PATJ: variants seen among roughly 807,000 people sequenced by gnomAD.
PATJ encodes the protein inaD-like protein.
A neutral mutation model predicts 224.9 loss-of-function variants in PATJ; 190 were observed. That is an observed-to-expected ratio of 0.84 (90% confidence interval 0.75 to 0.95). The LOEUF is 0.95. Ranked by LOEUF, PATJ falls within the 40% of genes least tolerant of loss-of-function variation. The pLI is 0.00. For missense variants in PATJ, 2,121 were observed against 2,270.3 expected (o/e 0.93, Z 1.34); for synonymous variants, 769 against 820.3 (o/e 0.94, Z 1.07).
chr1:61,934,527 T>C (rs954783976), intron 27 of PATJ, among the ~76,000 whole-genome samples: 4 of 152,200 alleles, frequency 2.6e-5, no homozygotes, highest in African/African-American at 9.6e-5. Flanking sequence ...TGCATTCTCA[T>C]TGGATATACA....
chr1:62,080,907 T>A (rs2148736485), intron 32 of PATJ, among the ~76,000 whole-genome samples: 1 of 152,274 alleles, frequency 6.6e-6, no homozygotes, highest in South Asian at 2.1e-4. Flanking sequence ...TTGTGTATGG[T>A]CTACAAGCTA....
chr1:62,073,759 G>T (rs1657827710), intron 31 of PATJ, among the ~76,000 whole-genome samples: 1 of 152,212 alleles, frequency 6.6e-6, no homozygotes, highest in Non-Finnish European at 1.5e-5. Flanking sequence ...GGTAGCTGAG[G>T]CAGAAGGCTT....
At chr1:62,015,167 G>A (rs1288385836) in intron 28 of PATJ, among the ~76,000 whole-genome samples, 1 of 151,774 alleles carries the variant, frequency 6.6e-6, no homozygotes, top group Non-Finnish European at 1.5e-5. Flanking sequence ...AGCCGGGCTT[G>A]GTGGCGGGCA....
At chr1:61,878,668 A>AC (rs1211216228) in intron 21 of PATJ, among the ~76,000 whole-genome samples, 4 of 150,064 alleles carry the variant, frequency 2.7e-5, no homozygotes, top group Admixed American at 6.7e-5. Context: ...ACATAGGGAG[A>AC]CCCCATCTCT....
At chr1:62,008,703 C>T (rs546010767) in intron 28 of PATJ, among the ~76,000 whole-genome samples, 1 of 152,030 alleles carries the variant, frequency 6.6e-6, no homozygotes, top group Non-Finnish European at 1.5e-5. Context: ...GAGCCATGAT[C>T]GCACCATTGC....
At chr1:61,821,171 T>C (rs900738999) in intron 14 of PATJ, among the ~76,000 whole-genome samples, 2 of 151,902 alleles carry the variant, frequency 1.3e-5, no homozygotes, top group Non-Finnish European at 2.9e-5. Context: ...CAGCCTCCCG[T>C]GCAGCTGGGA....
intron 27 of PATJ, among the ~76,000 whole-genome samples, chr1:61,939,676 CTTTTTTTTTTTTT>C (rs71050183): frequency 3.4e-5 from 2 of 58,870 alleles, no homozygotes; most frequent in African/African-American, 1.9e-4. Flanking sequence ...TTTCTATGTG[CTTTTTTTTTTTTT>C]TTTTTTTTTT....
intron 18 of PATJ, among the ~76,000 whole-genome samples, chr1:61,856,585 A>G (rs72674674): frequency 0.059 from 8,989 of 151,926 alleles, 298 homozygotes; most frequent in Non-Finnish European, 0.068. Flanking sequence ...CTTATGTGTA[A>G]ATTATTATTA....
chr1:62,136,887 T>C (rs1460074618), intron 41 of PATJ, among the ~76,000 whole-genome samples: 3 of 152,114 alleles, frequency 2.0e-5, no homozygotes, highest in African/African-American at 7.2e-5. Context: ...AATTTCAGAT[T>C]TGGTACTGAA....
intron 41 of PATJ, among the ~76,000 whole-genome samples, chr1:62,145,772 A>T: frequency 6.6e-6 from 1 of 152,116 alleles, no homozygotes; most frequent in East Asian, 1.9e-4. Context: ...CCTGGACAAC[A>T]TGGTGAAACC....
chr1:62,135,725 G>T lies in PATJ; in HGVS notation c.5271+6780G>T, dbSNP rs56309334. Among the ~76,000 whole-genome samples, 1,238 of 152,256 alleles carry T rather than the reference G, an allele frequency of 8.1e-3. 16 individuals carry two copies. Among genetic ancestry groups the T allele is most frequent in the African/African-American group, 0.028 (1,159 of 41,536 alleles). ...ATTCCTCTAAAACAGGGACTGTGGA[G>T]CTCCTTTCTTAAAAAGGTTGCTCTG... On this transcript the variant is annotated intron_variant, in intron 41 of 43. Coordinates refer to ENST00000642238, the MANE Select transcript of PATJ (RefSeq NM_001350145.3).
chr1:61,869,559 G>C (rs1435592059), intron 20 of PATJ, among the ~76,000 whole-genome samples: 3 of 152,142 alleles, frequency 2.0e-5, no homozygotes, highest in Non-Finnish European at 4.4e-5. Flanking sequence ...CATAAGGGAA[G>C]CTCTGAGAAG....
At chr1:62,071,015 G>T (rs955004184) in intron 31 of PATJ, among the ~76,000 whole-genome samples, 1 of 152,174 alleles carries the variant, frequency 6.6e-6, no homozygotes, top group East Asian at 1.9e-4. Context: ...AAGAAAGGCT[G>T]TGTGAACATG....
intron 43 of PATJ, among the ~76,000 whole-genome samples, chr1:62,155,051 C>T (rs1383766133): frequency 6.6e-6 from 1 of 152,168 alleles, no homozygotes; most frequent in Admixed American, 6.6e-5. Context: ...TCTCCTATGA[C>T]ACATTTAACA....
intron 14 of PATJ, among the ~76,000 whole-genome samples, chr1:61,811,148 T>C (rs1654680920): frequency 6.6e-6 from 1 of 152,244 alleles, no homozygotes; most frequent in African/African-American, 2.4e-5. Flanking sequence ...GAATTAACTC[T>C]ATTATGCTTA....
intron 31 of PATJ, among the ~76,000 whole-genome samples, chr1:62,067,616 G>T (rs1656708542): frequency 6.6e-6 from 1 of 152,202 alleles, no homozygotes; most frequent in South Asian, 2.1e-4. Flanking sequence ...AGGTGGTCAA[G>T]AAGCTAGATC....
At chr1:61,827,388 G>C (rs750152388) in intron 15 of PATJ, 34 bp from the exon 16 acceptor site, 2 of 1,520,208 alleles carry the variant, frequency 1.3e-6, no homozygotes, top group Admixed American at 4.1e-5. Flanking sequence ...ATTTGGGGCT[G>C]GCTCAGTTCT....
chr1:61,809,171 G>A lies in PATJ; in HGVS notation c.1683+641G>A, dbSNP rs542167689. 5.1e-4 allele frequency among the ~76,000 whole-genome samples: 77 copies of A among 152,204 alleles called. 1 individual carries two copies. Among genetic ancestry groups the A allele is most frequent in the African/African-American group, 1.7e-3 (72 of 41,540 alleles). ...ACAGTTTTTTTTCCAACATTTTTTAGCATCCTGTCACTAAACATTCCCATT... is the reference window on the plus strand; with the variant it reads ...ACAGTTTTTTTTCCAACATTTTTTAACATCCTGTCACTAAACATTCCCATT... On this transcript the variant is annotated intron_variant, in intron 14 of 43. Transcript: ENST00000642238.
chr1:61,795,203 A>G (rs1196103933), intron 9 of PATJ, among the ~76,000 whole-genome samples: 1 of 151,728 alleles, frequency 6.6e-6, no homozygotes. Context: ...CCTGAATTCC[A>G]GCTTAAATTA....
Sources: allele counts gnomAD v4.1 joint callset (sites outside exome capture counted in the v4.1 genomes callset), GRCh38; gene constraint gnomAD v4.1.1; transcripts MANE v1.5; gene names NCBI Gene and HGNC (gene_info 2026-07-23, HGNC 2026-07-21).